NBEAL1: variants seen among roughly 807,000 people sequenced by gnomAD.
The protein encoded by NBEAL1 is neurobeachin like 1.
A neutral mutation model predicts 351.3 loss-of-function variants in NBEAL1; 273 were observed. The observed-to-expected ratio is 0.78, with a 90% CI of 0.70 to 0.86. The LOEUF is 0.86. Ranked by LOEUF, NBEAL1 falls within the 40% of genes least tolerant of loss-of-function variation. The pLI is 0.00. For missense variants in NBEAL1, 2,961 were observed against 3,201.3 expected, an observed-to-expected ratio of 0.92 and a Z score of 1.81; for synonymous variants, 1,050 against 1,086.4, an observed-to-expected ratio of 0.97 and a Z score of 0.66.
chr2:203,147,572 G>C (rs2063544161), intron 33 of NBEAL1, among the ~76,000 whole-genome samples: 1 of 152,024 alleles, frequency 6.6e-6, no homozygotes, highest in South Asian at 2.1e-4. Context: ...AGACTCAATA[G>C]TCTTAAGTAA....
At position 203,084,462 on chromosome 2, in the gene NBEAL1, G is replaced by A; in HGVS notation, c.992-1G>A. On this transcript the variant is annotated splice_acceptor_variant, in intron 9 of 55. Coordinates refer to ENST00000683969, the MANE Select transcript of NBEAL1 (RefSeq NM_001378026.1). LOFTEE classifies it high-confidence loss of function. Reference sequence around the variant, plus strand: ...GGATGATTTTCTTTTTATTTTCCTAGATACCATCACAGCCATGTTAGATTG... The same window carrying A: ...GGATGATTTTCTTTTTATTTTCCTAAATACCATCACAGCCATGTTAGATTG... The A allele has an allele frequency of 7.0e-7, 1 of 1,427,808 alleles. No homozygotes were observed. The highest frequency in any genetic ancestry group is 9.3e-7 in the Non-Finnish European group (1 of 1,079,376). The allele number at this position is 1,427,808 out of a possible 1,614,324, so 88.4% of individuals were successfully genotyped here.
intron 33 of NBEAL1, among the ~76,000 whole-genome samples, chr2:203,146,757 C>T (rs2063523605): frequency 6.6e-6 from 1 of 152,114 alleles, no homozygotes; most frequent in Admixed American, 6.5e-5. Flanking sequence ...CCCACCACTG[C>T]ACTCCAGTGT....
chr2:203,037,974 A>G (rs2061066440), intron 2 of NBEAL1, among the ~76,000 whole-genome samples: 1 of 148,908 alleles, frequency 6.7e-6, no homozygotes, highest in Non-Finnish European at 1.5e-5. Context: ...TAAATACACA[A>G]ATAAATACAT....
At chr2:203,071,456 A>C (rs894861596) in intron 7 of NBEAL1, among the ~76,000 whole-genome samples, 1 of 152,280 alleles carries the variant, frequency 6.6e-6, no homozygotes, top group Non-Finnish European at 1.5e-5. Flanking sequence ...TCTGCAATAC[A>C]GTCATATGGG....
chr2:203,072,167 A>G (rs1201581350), intron 7 of NBEAL1, among the ~76,000 whole-genome samples: 1 of 152,162 alleles, frequency 6.6e-6, no homozygotes, highest in African/African-American at 2.4e-5. Context: ...TTCTTATCAC[A>G]CATTCAAACT....
At chr2:203,052,719 G>GTTA (rs1553601931) in intron 4 of NBEAL1, among the ~76,000 whole-genome samples, 1 of 145,408 alleles carries the variant, frequency 6.9e-6, no homozygotes, top group Non-Finnish European at 1.5e-5. Context: ...ACCATGCCCA[G>GTTA]TTATTTATTT....
intron 3 of NBEAL1, among the ~76,000 whole-genome samples, chr2:203,042,338 CAT>C (rs2061155090): frequency 6.6e-6 from 1 of 152,200 alleles, no homozygotes; most frequent in Non-Finnish European, 1.5e-5. Flanking sequence ...AATGAATACA[CAT>C]AGGACAAGGT....
Position 203,175,161 on chromosome 2 carries a change from A to G in NBEAL1, c.6338A>G (p.Glu2113Gly), listed in dbSNP as rs781106398. 1.9e-6 allele frequency: 3 copies of G among 1,608,090 alleles called. No individual in the cohort carries two copies. Among genetic ancestry groups the G allele is most frequent in the South Asian group, 2.2e-5 (2 of 89,274 alleles). The change falls in exon 42 of 56, where the codon GAG (glutamate) becomes GGG (glycine). Residue 2113 changes from glutamate (E) to glycine (G), a missense_variant. Glu to Gly is a moderately conservative substitution (Grantham distance 98, BLOSUM62 -2). Transcript: ENST00000683969. ...TTTCCCCACAGATATGAAAATTTTG[A>G]GGATCCTATGGGAACTATTGATAAG... ...KAMREKYENF[E>G]DPMGTIDKFH...
rs945434833 is a variant in NBEAL1 at position 203,182,696 on chromosome 2, C to T, written c.6596-583C>T. On this transcript the variant is annotated intron_variant, in intron 43 of 55. Coordinates refer to ENST00000683969, the MANE Select transcript of NBEAL1 (RefSeq NM_001378026.1). ...AGGCAGCATACTGGTATTTTAAGGCCTTCTTTTTTGAAGTTCTTTTGTGTT... is the reference window on the plus strand; with the variant it reads ...AGGCAGCATACTGGTATTTTAAGGCTTTCTTTTTTGAAGTTCTTTTGTGTT... 1.4e-4 allele frequency: 21 copies of T among 152,144 alleles called. 1 individual carries two copies. The highest frequency in any genetic ancestry group is 1.4e-3 in the Admixed American group (21 of 15,262). The allele number at this position is 152,144 out of a possible 1,614,324, so 9.4% of individuals were successfully genotyped here.
rs921877514 is a variant in NBEAL1, at chr2:203,107,532, C to A, written c.1368+14C>A. The A allele has an allele frequency of 3.9e-6, 6 of 1,540,672 alleles. No homozygotes were observed. Among genetic ancestry groups the A allele is most frequent in the Non-Finnish European group, 5.3e-6 (6 of 1,140,272 alleles). ...CTTATGAATATGGTGAGTTTATAAC[C>A]TTTATTAAGAGAATTTCTGTTAATA... On this transcript the variant is annotated intron_variant, in intron 13 of 55. Coordinates refer to ENST00000683969, the MANE Select transcript of NBEAL1 (RefSeq NM_001378026.1).
intron 10 of NBEAL1, 43 bp from the exon 11 acceptor site, chr2:203,097,504 T>C: frequency 1.2e-6 from 1 of 841,444 alleles, no homozygotes; most frequent in South Asian, 5.4e-5. Flanking sequence ...TAGGTAACAA[T>C]TTAATGTTCT....
At chr2:203,066,043 C>A (rs2061579917) in intron 6 of NBEAL1, among the ~76,000 whole-genome samples, 1 of 152,190 alleles carries the variant, frequency 6.6e-6, no homozygotes. Context: ...ATAGTTCTCA[C>A]CCCTTTTGTT....
intron 31 of NBEAL1, among the ~76,000 whole-genome samples, chr2:203,141,682 C>T (rs2063386741): frequency 6.6e-6 from 1 of 151,674 alleles, no homozygotes; most frequent in Non-Finnish European, 1.5e-5. Flanking sequence ...CACACCTGGC[C>T]CAGATGAGAC....
chr2:203,208,089 C>T (rs2065661516), intron 51 of NBEAL1, among the ~76,000 whole-genome samples: 2 of 152,084 alleles, frequency 1.3e-5, no homozygotes, highest in Non-Finnish European at 1.5e-5. Flanking sequence ...CAAGACCAGC[C>T]TGGGCAACAT....
chr2:203,026,938 A>T (rs2106006330), intron 2 of NBEAL1, among the ~76,000 whole-genome samples: 1 of 152,334 alleles, frequency 6.6e-6, no homozygotes, highest in Non-Finnish European at 1.5e-5. Context: ...CTTCTAGGTC[A>T]AAGTTTAATG....
chr2:203,105,120 G>T (rs569841714), intron 12 of NBEAL1, among the ~76,000 whole-genome samples: 16 of 151,794 alleles, frequency 1.1e-4, no homozygotes, highest in Admixed American at 2.0e-4. Context: ...GCCTCCCAAA[G>T]TCTGGGATCC....
At chr2:203,153,331 A>G (rs2106359693) in intron 35 of NBEAL1, among the ~76,000 whole-genome samples, 1 of 142,444 alleles carries the variant, frequency 7.0e-6, no homozygotes, top group East Asian at 2.1e-4. Flanking sequence ...TGGTAGAGAC[A>G]AGGTCTCACC....
Position 203,057,432 on chromosome 2 carries a change from A to C in NBEAL1, c.494A>C (p.Asn165Thr). 6.4e-7 allele frequency: 1 copy of C among 1,551,226 alleles called. No homozygotes were observed. Among genetic ancestry groups the C allele is most frequent in the Non-Finnish European group, 8.7e-7 (1 of 1,146,088 alleles). ...FCESLYDPYRNWRHRISGRIL... is the reference protein window; with the variant it reads ...FCESLYDPYRTWRHRISGRIL... ...GAAAGCTTATATGATCCATATCGGAATTGGAGACATAGAATTTCAGGGTAT... is the reference window on the plus strand; with the variant it reads ...GAAAGCTTATATGATCCATATCGGACTTGGAGACATAGAATTTCAGGGTAT... Residue 165 changes from asparagine to threonine, a missense_variant, in exon 6 of 56, where the codon AAT becomes ACT. Coordinates refer to ENST00000683969, the MANE Select transcript of NBEAL1 (RefSeq NM_001378026.1).
intron 3 of NBEAL1, among the ~76,000 whole-genome samples, chr2:203,045,104 T>TA (rs970522817): frequency 4.6e-5 from 7 of 152,066 alleles, no homozygotes; most frequent in Non-Finnish European, 7.4e-5. Context: ...ATTTTATAAT[T>TA]AAAAAAAATC....
Sources: gnomAD v4.1 joint callset for allele counts (sites outside exome capture counted in the v4.1 genomes callset) on GRCh38, gnomAD v4.1.1 for gene constraint, MANE v1.5 for transcripts, NCBI Gene and HGNC (gene_info 2026-07-23, HGNC 2026-07-21) for gene names.